The following TTC23L variants were observed in gnomAD, a reference collection of about 807,000 sequenced individuals.
TTC23L encodes tetratricopeptide repeat protein 23-like.
In TTC23L, 42 loss-of-function variants were observed where a neutral mutation model predicts 48.1. The observed-to-expected ratio is 0.87, with a 90% CI of 0.68 to 1.13. TTC23L has a LOEUF of 1.13. TTC23L is among the 50% of genes most tolerant of loss of function. TTC23L has a pLI of 0.00. For missense variants in TTC23L, 391 were observed against 421.0 expected, an observed-to-expected ratio of 0.93 and a Z score of 0.62; for synonymous variants, 159 against 157.2, an observed-to-expected ratio of 1.01 and a Z score of -0.09.
intron 4 of TTC23L, among the ~76,000 whole-genome samples, chr5:34,851,927 T>C (rs1367900361): frequency 6.6e-6 from 1 of 152,046 alleles, no homozygotes; most frequent in African/African-American, 2.4e-5. Context: ...GGAACAAAAT[T>C]CTGGGGAGGC....
At chr5:34,847,960 A>G (rs192974095) in intron 3 of TTC23L, among the ~76,000 whole-genome samples, 5 of 152,324 alleles carry the variant, frequency 3.3e-5, no homozygotes, top group Admixed American at 3.3e-4. Context: ...GGTTACCTGT[A>G]CATTATTCTT....
At chr5:34,896,689 C>T (rs1169323906) in intron 9 of TTC23L, 81 bp from the exon 10 acceptor site, 52 of 735,718 alleles carry the variant, frequency 7.1e-5, no homozygotes, top group Admixed American at 3.9e-5. Context: ...ATAGCATTCT[C>T]AGTGCAATGA....
chr5:34,847,614 A>G (rs1387976048), intron 3 of TTC23L, among the ~76,000 whole-genome samples: 2 of 152,078 alleles, frequency 1.3e-5, no homozygotes, highest in African/African-American at 4.8e-5. Context: ...TCTCCAAGTC[A>G]AGGAGTTCGA....
the TTC23L span, chr5:34,914,823 C>T: frequency 1.2e-6 from 2 of 1,614,212 alleles, no homozygotes; most frequent in African/African-American, 1.3e-5. Flanking sequence ...AGATTCCTAA[C>T]GTTGTCAAGG....
intron 8 of TTC23L, among the ~76,000 whole-genome samples, chr5:34,870,936 C>T (rs553742250): frequency 6.6e-6 from 1 of 152,288 alleles, no homozygotes; most frequent in South Asian, 2.1e-4. Flanking sequence ...GACATCCATT[C>T]ATGATGGAAG....
intron 8 of TTC23L, among the ~76,000 whole-genome samples, chr5:34,872,885 A>G (rs1283328113): frequency 6.6e-6 from 1 of 152,124 alleles, no homozygotes; most frequent in Non-Finnish European, 1.5e-5. Context: ...CAACATGGTG[A>G]AACCGCGTTT....
At chr5:34,897,375 C>T (rs1763295013) in intron 10 of TTC23L, among the ~76,000 whole-genome samples, 1 of 151,538 alleles carries the variant, frequency 6.6e-6, no homozygotes, top group African/African-American at 2.4e-5. Context: ...CAGAGCAAGA[C>T]TGTCTCCTAA....
chr5:34,877,035 C>T (rs949300694), intron 8 of TTC23L, among the ~76,000 whole-genome samples: 3 of 151,990 alleles, frequency 2.0e-5, no homozygotes, highest in Non-Finnish European at 4.4e-5. Context: ...CAGATCAATA[C>T]ATCTCATGAA....
intron 10 of TTC23L, among the ~76,000 whole-genome samples, chr5:34,898,129 A>G (rs1039638333): frequency 2.0e-5 from 3 of 152,222 alleles, no homozygotes; most frequent in Non-Finnish European, 4.4e-5. Context: ...AGTGCTTAGC[A>G]GAGTGCCTGG....
chr5:34,858,396 T>C (rs1224004656), intron 4 of TTC23L, among the ~76,000 whole-genome samples: 1 of 152,250 alleles, frequency 6.6e-6, no homozygotes, highest in Non-Finnish European at 1.5e-5. Flanking sequence ...TTTGTCATTA[T>C]GAATTTTTTC....
chr5:34,847,330 T>A, intron 3 of TTC23L, among the ~76,000 whole-genome samples: 1 of 150,584 alleles, frequency 6.6e-6, no homozygotes. Context: ...TAAGTGGGGG[T>A]TTTCAAGGCT....
chr5:34,922,636 C>G, the TTC23L span: 5 of 1,590,574 alleles, frequency 3.1e-6, no homozygotes, highest in Admixed American at 8.4e-5. Flanking sequence ...TAAAAGTAAT[C>G]TTTTGAAATA....
At chr5:34,850,095 G>A (rs776717942) in intron 3 of TTC23L, 90 bp from the exon 4 acceptor site, 2 of 1,423,538 alleles carry the variant, frequency 1.4e-6, no homozygotes, top group Non-Finnish European at 9.7e-7. Context: ...AAGATGACAG[G>A]TGAATTCAGT....
intron 7 of TTC23L, chr5:34,868,101 T>C (rs1761197152): frequency 6.6e-6 from 1 of 152,250 alleles, no homozygotes; most frequent in African/African-American, 2.4e-5. Context: ...ACCATTATTA[T>C]TTTATCTCAT....
chr5:34,910,484 G>C, the TTC23L span, among the ~76,000 whole-genome samples: 1 of 151,238 alleles, frequency 6.6e-6, no homozygotes, highest in African/African-American at 2.4e-5. Flanking sequence ...CTGGAGTGCA[G>C]TGGCGCAATC....
At chr5:34,911,811 C>A in the TTC23L span, 1 of 1,613,948 alleles carries the variant, frequency 6.2e-7, no homozygotes, top group Non-Finnish European at 8.5e-7. Context: ...CAGTTAAAGT[C>A]CCTGCAATGG....
At chr5:34,891,321 T>G (rs531935990) in intron 9 of TTC23L, among the ~76,000 whole-genome samples, 10 of 152,210 alleles carry the variant, frequency 6.6e-5, no homozygotes, top group Non-Finnish European at 1.5e-4. Flanking sequence ...CTTGGGCAAA[T>G]GACTTAACCT....
intron 7 of TTC23L, 96 bp from the exon 8 acceptor site, chr5:34,868,809 A>AT: frequency 1.1e-6 from 1 of 951,638 alleles, no homozygotes; most frequent in South Asian, 1.4e-5. Context: ...CATAGCTAGG[A>AT]AGTGGCAGAG....
chr5:34,842,894 C>T (rs1193793634), intron 2 of TTC23L, among the ~76,000 whole-genome samples: 2 of 152,198 alleles, frequency 1.3e-5, no homozygotes, highest in Non-Finnish European at 2.9e-5. Flanking sequence ...GGTGTGATCT[C>T]AGCTCACTGC....
Sources: allele counts gnomAD v4.1 joint callset (sites outside exome capture counted in the v4.1 genomes callset), GRCh38; gene constraint gnomAD v4.1.1; transcripts MANE v1.5; gene names NCBI Gene and HGNC (gene_info 2026-07-23, HGNC 2026-07-21).